Variants in NCOA7 observed in about 807,000 individuals in gnomAD.
NCOA7 encodes nuclear receptor coactivator 7, also known as 140 kDa estrogen receptor-associated protein.
Under a neutral mutation model 104.3 loss-of-function variants are expected in NCOA7, and 45 were observed. The ratio of observed to expected loss-of-function variants is 0.43; its 90% CI spans 0.34 to 0.55. The LOEUF (loss-of-function observed/expected upper bound fraction) is 0.55, where lower values mean the gene tolerates loss of function less well. NCOA7 is among the 20% of genes least tolerant of loss of function. The pLI is 0.02. For missense variants in NCOA7, 1,041 were observed against 1,119.7 expected (o/e 0.93, Z 1.00); for synonymous variants, 398 against 402.3 (o/e 0.99, Z 0.13).
At chr6:125,796,484 A>C (rs941544699) in intron 1 of NCOA7, among the ~76,000 whole-genome samples, 1 of 151,762 alleles carries the variant, frequency 6.6e-6, no homozygotes, top group African/African-American at 2.4e-5. Flanking sequence ...GATATAATCT[A>C]TGCACATCCT....
At chr6:125,837,757 T>A (rs1170459051) in intron 2 of NCOA7, among the ~76,000 whole-genome samples, 3 of 152,218 alleles carry the variant, frequency 2.0e-5, no homozygotes, top group African/African-American at 7.2e-5. Context: ...GGAAGGAGGC[T>A]GAGATCATCC....
At chr6:125,919,137 C>A in intron 11 of NCOA7, 1 of 1,094,598 alleles carries the variant, frequency 9.1e-7, no homozygotes, top group Non-Finnish European at 1.3e-6. Context: ...ACAGCGATGC[C>A]TGGCAGGAAG....
chr6:125,911,904 CT>C (rs1786597562), intron 10 of NCOA7, among the ~76,000 whole-genome samples: 1 of 152,170 alleles, frequency 6.6e-6, no homozygotes, highest in South Asian at 2.1e-4. Context: ...AGCATACCCT[CT>C]CCCCCACGTT....
At chr6:125,923,643 G>A (rs1787779106) in intron 13 of NCOA7, among the ~76,000 whole-genome samples, 1 of 152,166 alleles carries the variant, frequency 6.6e-6, no homozygotes, top group Non-Finnish European at 1.5e-5. Context: ...CAGATTTTCT[G>A]TCACTGAAGC....
At chr6:125,819,924 C>A (rs1778009281) in intron 2 of NCOA7, among the ~76,000 whole-genome samples, 1 of 152,196 alleles carries the variant, frequency 6.6e-6, no homozygotes, top group African/African-American at 2.4e-5. Flanking sequence ...ATCCAAAATA[C>A]ATCTGTAGTT....
chr6:125,889,056 G>T lies in NCOA7; in HGVS notation c.1002G>T (p.Gln334His), dbSNP rs771283898. The T allele has an allele frequency of 1.2e-6, 2 of 1,613,964 alleles. No homozygotes were observed. The highest frequency in any genetic ancestry group is 2.7e-5 in the African/African-American group (2 of 74,904). Residue 334 changes from glutamine to histidine, a missense_variant, in exon 9 of 16, where the codon CAG (glutamine) becomes CAT (histidine). By Grantham distance (24) the Gln-to-His change is conservative. Transcript: ENST00000392477. ...AATCTATCAACAAGGAAAAACGACAGCAGAATGGAGAGAAAATTATGACTT... is the reference window on the plus strand; with the variant it reads ...AATCTATCAACAAGGAAAAACGACATCAGAATGGAGAGAAAATTATGACTT... Reference protein sequence around the residue: ...KFKSINKEKRQQNGEKIMTSD... With the variant: ...KFKSINKEKRHQNGEKIMTSD...
intron 1 of NCOA7, among the ~76,000 whole-genome samples, chr6:125,793,526 G>C (rs1293051247): frequency 6.6e-6 from 1 of 152,120 alleles, no homozygotes; most frequent in African/African-American, 2.4e-5. Context: ...TCTGGGATTG[G>C]TTGACTCACT....
At chr6:125,880,971 C>A in intron 5 of NCOA7, 119 bp from the exon 6 acceptor site, 1 of 694,224 alleles carries the variant, frequency 1.4e-6, no homozygotes, top group Non-Finnish European at 2.6e-6. Flanking sequence ...TTCTTGAAAG[C>A]AACCTAGGTC....
chr6:125,913,581 A>G (rs1786784176), intron 10 of NCOA7: 1 of 818,502 alleles, frequency 1.2e-6, no homozygotes, highest in African/African-American at 1.9e-5. Context: ...CTTTTGTAAT[A>G]GAAATGGTAA....
intron 1 of NCOA7, 79 bp downstream of exon 1, chr6:125,791,146 G>C (rs1357364122): frequency 6.6e-6 from 1 of 152,660 alleles, no homozygotes; most frequent in Non-Finnish European, 1.5e-5. Flanking sequence ...GCAGGGTCCA[G>C]GACCGGCCAA....
At chr6:125,862,327 G>T (rs1782129851) in intron 3 of NCOA7, among the ~76,000 whole-genome samples, 1 of 137,610 alleles carries the variant, frequency 7.3e-6, no homozygotes, top group Non-Finnish European at 1.5e-5. Context: ...ATAAAGAGAT[G>T]ATCTTTTTAA....
rs777769255 is a variant in NCOA7, at chr6:125,881,079, C to T, written c.460-11C>T. ...GCTGGTACTCACCCATCTGTTCTCT[C>T]CCATTCTCAGGTCCTTTTTGTGCCA... On this transcript the variant is annotated splice_polypyrimidine_tract_variant and intron_variant, in intron 5 of 15. Transcript: ENST00000392477. 3.8e-5 allele frequency: 61 copies of T among 1,589,816 alleles called. No homozygotes were observed. The East Asian group carries it at 1.2e-3, about 31-fold the overall frequency.
chr6:125,915,263 T>C (rs773527810), intron 10 of NCOA7, 70 bp from the exon 11 acceptor site: 61 of 1,576,772 alleles, frequency 3.9e-5, no homozygotes, highest in Non-Finnish European at 5.2e-5. Flanking sequence ...GTTTATGTAC[T>C]GAAGTCCACA....
At chr6:125,809,464 T>G (rs1776767161) in intron 1 of NCOA7, among the ~76,000 whole-genome samples, 1 of 152,226 alleles carries the variant, frequency 6.6e-6, no homozygotes, top group Non-Finnish European at 1.5e-5. Flanking sequence ...AATATAGGCA[T>G]GAGCCACTGC....
chr6:125,885,194 C>G lies in NCOA7; in HGVS notation c.735C>G (p.Asn245Lys). ...VVGGVMIVTPNNIMFDPHKSD... is the reference protein window; with the variant it reads ...VVGGVMIVTPKNIMFDPHKSD... ...GCGGTGTTATGATAGTGACTCCTAA[C>G]AACATCATGTTTGACCCTCATAAAT... The change falls in exon 8 of 16, where the codon AAC becomes AAG. Residue 245 changes from asparagine (N) to lysine (K), a missense_variant. Physicochemically the swap from Asn to Lys is moderately conservative, Grantham distance 94. Coordinates refer to ENST00000392477, the MANE Select transcript of NCOA7 (RefSeq NM_181782.5). The G allele has an allele frequency of 6.2e-7, 1 of 1,614,008 alleles. No individual in the cohort carries two copies. The highest frequency in any genetic ancestry group is 8.5e-7 in the Non-Finnish European group (1 of 1,179,934).
rs1332427011 is a variant in NCOA7 at position 125,888,929 on chromosome 6, C to T, written c.885-10C>T. ...CATTCCATGTGCACCCACCATTTCT[C>T]CCCCAACAGTGACCTACCTCAGGAT... On this transcript the variant is annotated splice_polypyrimidine_tract_variant and intron_variant, in intron 8 of 15. Coordinates refer to ENST00000392477, the MANE Select transcript of NCOA7 (RefSeq NM_181782.5). 1 of 1,577,862 alleles carries T rather than the reference C, an allele frequency of 6.3e-7. No individual in the cohort carries two copies. The highest frequency in any genetic ancestry group is 1.4e-5 in the African/African-American group (1 of 73,452).
rs527611451 is a variant in NCOA7, at chr6:125,900,437, G to A, written c.2096+9627G>A. 2.0e-4 allele frequency among the ~76,000 whole-genome samples: 30 copies of A among 152,234 alleles called. No individual in the cohort carries two copies. The South Asian group carries it at 6.2e-3, about 32-fold the overall frequency. On this transcript the variant is annotated intron_variant, in intron 10 of 15. Coordinates refer to ENST00000392477, the MANE Select transcript of NCOA7 (RefSeq NM_181782.5). The stretch of plus-strand genomic sequence containing the variant: ...TTTTTATAACCACAACTGCTGTTTT[G>A]AGCTTTCTCAACAGAGCGTTCCTAT...
upstream of NCOA7, among the ~76,000 whole-genome samples, chr6:125,789,720 G>A (rs1774655177): frequency 6.6e-6 from 1 of 152,210 alleles, no homozygotes; most frequent in African/African-American, 2.4e-5. Flanking sequence ...ATGACCACCT[G>A]CTGCTGAAAT....
At chr6:125,819,046 A>G (rs185460637) in intron 2 of NCOA7, among the ~76,000 whole-genome samples, 66 of 152,246 alleles carry the variant, frequency 4.3e-4, no homozygotes, top group Admixed American at 2.1e-3. Flanking sequence ...CCACAATTAC[A>G]TATCTGAAAC....
Sources: gnomAD v4.1 joint callset for allele counts (sites outside exome capture counted in the v4.1 genomes callset) on GRCh38, gnomAD v4.1.1 for gene constraint, MANE v1.5 for transcripts, NCBI Gene and HGNC (gene_info 2026-07-23, HGNC 2026-07-21) for gene names.